ITGA8: variants seen among roughly 807,000 people sequenced by gnomAD.
ITGA8 encodes integrin subunit alpha 8.
Under a neutral mutation model 142.3 loss-of-function variants are expected in ITGA8, and 91 were observed. That is an observed-to-expected ratio of 0.64 (90% CI 0.54 to 0.76). The LOEUF (loss-of-function observed/expected upper bound fraction) is 0.76, where lower values mean the gene tolerates loss of function less well. Among genes scored for constraint, ITGA8 ranks in the 30% least tolerant of loss-of-function variants. The pLI is 0.00. For missense variants in ITGA8, 1,406 were observed against 1,327.7 expected (o/e 1.06, Z -0.92); for synonymous variants, 505 against 485.2 (o/e 1.04, Z -0.54).
At chr10:15,680,773 A>AT (rs74261032) in intron 4 of ITGA8, among the ~76,000 whole-genome samples, 4,160 of 143,120 alleles carry the variant, frequency 0.029, 136 homozygotes, top group African/African-American at 0.083. Context: ...GAAAACATTC[A>AT]TTTTTTTTTT....
At chr10:15,632,313 A>G (rs117344348) in intron 13 of ITGA8, among the ~76,000 whole-genome samples, 1,869 of 152,318 alleles carry the variant, frequency 0.012, 19 homozygotes, top group Non-Finnish European at 0.019. Flanking sequence ...GGTTTTCACA[A>G]CACACTAAGC....
At chr10:15,642,025 G>A (rs931347394) in intron 13 of ITGA8, among the ~76,000 whole-genome samples, 2 of 152,192 alleles carry the variant, frequency 1.3e-5, no homozygotes, top group African/African-American at 4.8e-5. Context: ...CTACTTGGGA[G>A]GCTGAGGCAG....
chr10:15,708,282 G>A lies in ITGA8; in HGVS notation c.343+10484C>T, dbSNP rs148728291. Among the ~76,000 whole-genome samples the A allele has an allele frequency of 2.5e-3, 378 of 152,192 alleles. 2 individuals carry two copies. The highest frequency in any genetic ancestry group is 8.7e-3 in the African/African-American group (359 of 41,502). ...AATGATTTAATAATATGTCACCTGA[G>A]GAACCAGAGTGAAAGGAAGAAGGTC... On this transcript the variant is annotated intron_variant, in intron 2 of 29. Coordinates refer to ENST00000378076, the MANE Select transcript of ITGA8 (RefSeq NM_003638.3).
chr10:15,711,370 C>T (rs1202397856), intron 2 of ITGA8, among the ~76,000 whole-genome samples: 1 of 152,064 alleles, frequency 6.6e-6, no homozygotes, highest in African/African-American at 2.4e-5. Flanking sequence ...CCTCCCATAG[C>T]CTAAGAGCTT....
intron 25 of ITGA8, among the ~76,000 whole-genome samples, chr10:15,570,102 G>A (rs896882530): frequency 2.6e-5 from 4 of 152,094 alleles, no homozygotes; most frequent in Non-Finnish European, 5.9e-5. Context: ...GAACCTGAAA[G>A]TAATAACATT....
intron 13 of ITGA8, among the ~76,000 whole-genome samples, chr10:15,632,851 G>A (rs1436915383): frequency 6.6e-6 from 1 of 151,188 alleles, no homozygotes; most frequent in African/African-American, 2.4e-5. Flanking sequence ...GTGCACAGCA[G>A]CTCCCAGGCT....
chr10:15,696,861 CA>C (rs750418009), intron 2 of ITGA8, among the ~76,000 whole-genome samples: 228 of 52,548 alleles, frequency 4.3e-3, no homozygotes, highest in South Asian at 7.4e-3. Context: ...TAACTCTTAC[CA>C]AAAAAAAAAA....
chr10:15,713,188 A>G (rs1835392194), intron 2 of ITGA8, among the ~76,000 whole-genome samples: 1 of 152,234 alleles, frequency 6.6e-6, no homozygotes, highest in South Asian at 2.1e-4. Flanking sequence ...TGCCTCTGTC[A>G]TGCCAACATA....
chr10:15,527,175 A>C (rs1833191239), intron 28 of ITGA8, among the ~76,000 whole-genome samples: 1 of 152,206 alleles, frequency 6.6e-6, no homozygotes, highest in Admixed American at 6.5e-5. Flanking sequence ...ACATTTTGAC[A>C]ACATTTAAAC....
At chr10:15,644,535 C>T (rs1318465878) in intron 12 of ITGA8, among the ~76,000 whole-genome samples, 7 of 131,130 alleles carry the variant, frequency 5.3e-5, no homozygotes, top group African/African-American at 2.0e-4. Context: ...TGCTTTGTTG[C>T]CCAGGATGGT....
intron 13 of ITGA8, among the ~76,000 whole-genome samples, chr10:15,617,048 C>G (rs1042889754): frequency 1.3e-5 from 2 of 152,302 alleles, no homozygotes; most frequent in East Asian, 3.9e-4. Context: ...GGTGAGTATA[C>G]TTTTGGCAAA....
At chr10:15,576,837 A>G (rs1267476110) in intron 23 of ITGA8, among the ~76,000 whole-genome samples, 1 of 152,238 alleles carries the variant, frequency 6.6e-6, no homozygotes, top group African/African-American at 2.4e-5. Flanking sequence ...AAATGTTGCT[A>G]AATTGCATAG....
intron 16 of ITGA8, 111 bp from the exon 17 acceptor site, chr10:15,607,942 G>T: frequency 1.1e-6 from 1 of 905,270 alleles, no homozygotes; most frequent in Non-Finnish European, 1.7e-6. Flanking sequence ...CTTTTTCATA[G>T]TTGAGACCAA....
At chr10:15,659,152 G>T in intron 9 of ITGA8, 97 bp from the exon 10 acceptor site, 1 of 752,560 alleles carries the variant, frequency 1.3e-6, no homozygotes, top group Non-Finnish European at 2.1e-6. Context: ...TTTTTGTAAA[G>T]TGTGATAAAT....
At chr10:15,566,835 G>A (rs139910952) in intron 25 of ITGA8, among the ~76,000 whole-genome samples, 2,531 of 96,786 alleles carry the variant, frequency 0.026, 71 homozygotes, top group African/African-American at 0.089. Flanking sequence ...AAAAGAGGCC[G>A]GGTGCAGTGG....
At chr10:15,668,464 T>A (rs191138854) in intron 8 of ITGA8, among the ~76,000 whole-genome samples, 32 of 149,326 alleles carry the variant, frequency 2.1e-4, no homozygotes, top group African/African-American at 7.1e-4. Flanking sequence ...GGGTCTTGAC[T>A]CTTTATGCGA....
chr10:15,632,233 A>C (rs910616831), intron 13 of ITGA8, among the ~76,000 whole-genome samples: 7 of 150,604 alleles, frequency 4.6e-5, no homozygotes, highest in Admixed American at 2.6e-4. Context: ...TGTGTCGATA[A>C]GGTCCACTTT....
intron 8 of ITGA8, among the ~76,000 whole-genome samples, chr10:15,664,348 A>G (rs960032342): frequency 1.3e-5 from 2 of 152,186 alleles, no homozygotes; most frequent in African/African-American, 4.8e-5. Flanking sequence ...ATTAGTTTGT[A>G]CCTAAAAGAA....
intron 26 of ITGA8, among the ~76,000 whole-genome samples, chr10:15,553,352 C>A (rs1256528044): frequency 6.9e-6 from 1 of 144,394 alleles, no homozygotes; most frequent in Non-Finnish European, 1.5e-5. Context: ...CTACTTCTAT[C>A]ATAACAAATG....
Sources: allele counts gnomAD v4.1 joint callset (sites outside exome capture counted in the v4.1 genomes callset), GRCh38; gene constraint gnomAD v4.1.1; transcripts MANE v1.5; gene names NCBI Gene and HGNC (gene_info 2026-07-23, HGNC 2026-07-21).